Variants in FRMD5 observed in about 807,000 individuals in gnomAD.
The protein encoded by FRMD5 is FERM domain containing 5, also known as FERM domain-containing protein 5.
Under a neutral mutation model 69.0 loss-of-function variants are expected in FRMD5, and 20 were observed. The observed-to-expected ratio is 0.29, with a 90% CI of 0.20 to 0.42. The LOEUF is 0.42. Among genes scored for constraint, FRMD5 ranks in the 10% least tolerant of loss-of-function variants. The probability of loss-of-function intolerance (pLI) is 1.00; values close to 1 mark genes in which losing one functional copy is unlikely to be tolerated. For synonymous variants in FRMD5, 271 were observed against 260.1 expected, an observed-to-expected ratio of 1.04 and a Z score of -0.40; for missense variants, 595 against 708.6, an observed-to-expected ratio of 0.84 and a Z score of 1.82.
chr15:44,182,616 G>A (rs996123267), intron 1 of FRMD5, among the ~76,000 whole-genome samples: 17 of 151,962 alleles, frequency 1.1e-4, no homozygotes, highest in Admixed American at 2.0e-4. Context: ...GTAAGCCACC[G>A]CATCAGGCCC....
chr15:44,157,044 TTCTC>T (rs1198002262), intron 1 of FRMD5, among the ~76,000 whole-genome samples: 1 of 152,160 alleles, frequency 6.6e-6, no homozygotes, highest in Admixed American at 6.5e-5. Context: ...ACTACATCCT[TTCTC>T]TCTGTCATTA....
At chr15:43,990,078 C>A in intron 1 of FRMD5, 1 of 699,074 alleles carries the variant, frequency 1.4e-6, no homozygotes, top group Non-Finnish European at 2.7e-6. Flanking sequence ...TGGGGCGCCC[C>A]ACAATGAAGG....
intron 1 of FRMD5, among the ~76,000 whole-genome samples, chr15:43,947,954 A>G (rs1017242295): frequency 8.7e-6 from 1 of 115,496 alleles, no homozygotes; most frequent in African/African-American, 3.3e-5. Flanking sequence ...TAGATCCTGA[A>G]TAAGAGGGGT....
At chr15:44,038,857 C>T (rs1329584565) in intron 1 of FRMD5, among the ~76,000 whole-genome samples, 2 of 152,122 alleles carry the variant, frequency 1.3e-5, no homozygotes, top group South Asian at 2.1e-4. Flanking sequence ...TCTTCACAAC[C>T]GGCAGACCAT....
chr15:43,977,594 G>A (rs934900240), intron 1 of FRMD5, among the ~76,000 whole-genome samples: 1 of 152,126 alleles, frequency 6.6e-6, no homozygotes, highest in Non-Finnish European at 1.5e-5. Flanking sequence ...ATCAAGCAGG[G>A]TAAAAACATT....
chr15:44,009,453 G>A (rs1389863615), intron 1 of FRMD5, among the ~76,000 whole-genome samples: 3 of 152,348 alleles, frequency 2.0e-5, no homozygotes, highest in African/African-American at 7.2e-5. Flanking sequence ...GCTGAGGCAG[G>A]ATGATTGCTT....
chr15:43,967,004 T>G (rs1415941259), intron 1 of FRMD5, among the ~76,000 whole-genome samples: 2 of 152,134 alleles, frequency 1.3e-5, no homozygotes, highest in African/African-American at 4.8e-5. Flanking sequence ...ATATTTCAGT[T>G]TCATTCTGAT....
At chr15:44,044,848 A>T (rs1366056954) in intron 1 of FRMD5, among the ~76,000 whole-genome samples, 2 of 152,188 alleles carry the variant, frequency 1.3e-5, no homozygotes, top group Non-Finnish European at 2.9e-5. Flanking sequence ...CCACCATGGC[A>T]CATGTATACC....
At chr15:43,936,256 A>T (rs1242239586) in intron 1 of FRMD5, among the ~76,000 whole-genome samples, 1 of 152,172 alleles carries the variant, frequency 6.6e-6, no homozygotes, top group African/African-American at 2.4e-5. Context: ...ACAGTGGCAC[A>T]ATCACCGCTC....
At chr15:43,967,149 G>C (rs1447804289) in intron 1 of FRMD5, among the ~76,000 whole-genome samples, 2 of 151,786 alleles carry the variant, frequency 1.3e-5, no homozygotes, top group East Asian at 3.9e-4. Flanking sequence ...TTACAGTTTT[G>C]TGTCATTTTA....
chr15:44,129,277 A>C (rs2077066325), intron 1 of FRMD5, among the ~76,000 whole-genome samples: 1 of 152,218 alleles, frequency 6.6e-6, no homozygotes, highest in African/African-American at 2.4e-5. Context: ...CTAAAGCCAA[A>C]ACCCAACTTT....
intron 1 of FRMD5, among the ~76,000 whole-genome samples, chr15:43,969,985 C>A (rs2090351102): frequency 6.6e-6 from 1 of 152,160 alleles, no homozygotes; most frequent in Non-Finnish European, 1.5e-5. Flanking sequence ...AGAAAGTCAG[C>A]CATGAGAGTG....
At chr15:44,192,935 T>C (rs1262847801) in intron 1 of FRMD5, among the ~76,000 whole-genome samples, 2 of 152,186 alleles carry the variant, frequency 1.3e-5, no homozygotes, top group Non-Finnish European at 2.9e-5. Context: ...TAAAATTAAA[T>C]TGTAATAATG....
intron 1 of FRMD5, among the ~76,000 whole-genome samples, chr15:44,033,723 A>G (rs1381375955): frequency 6.6e-6 from 1 of 152,228 alleles, no homozygotes; most frequent in Non-Finnish European, 1.5e-5. Flanking sequence ...TCATGGGCAT[A>G]AACATCAAAC....
intron 1 of FRMD5, among the ~76,000 whole-genome samples, chr15:43,937,230 G>C (rs1292441359): frequency 6.6e-6 from 1 of 152,114 alleles, no homozygotes; most frequent in African/African-American, 2.4e-5. Context: ...GGATCATTGG[G>C]CTTCAGATCA....
intron 1 of FRMD5, among the ~76,000 whole-genome samples, chr15:43,946,243 G>A (rs1019611783): frequency 6.6e-6 from 1 of 152,128 alleles, no homozygotes; most frequent in Admixed American, 6.5e-5. Flanking sequence ...CACAGCAAAG[G>A]CAGCATGGTT....
intron 1 of FRMD5, among the ~76,000 whole-genome samples, chr15:44,156,337 T>C (rs2077527955): frequency 6.6e-6 from 1 of 151,862 alleles, no homozygotes; most frequent in Non-Finnish European, 1.5e-5. Context: ...AGAGACGGGG[T>C]TTCACCATAT....
rs184275080 is a variant in FRMD5, at chr15:44,151,433, A to G, written c.102+43520T>C. On this transcript the variant is annotated intron_variant, in intron 1 of 13. Coordinates refer to ENST00000417257, the MANE Select transcript of FRMD5 (RefSeq NM_032892.5). ...AAAAGAAAGAAAGAAAGAAAAAAGA[A>G]TTAACACACAAAAATCAGTTGGGTA... 1.3e-4 allele frequency among the ~76,000 whole-genome samples: 19 copies of G among 151,870 alleles called. No homozygotes were observed. In the East Asian group the frequency reaches 2.1e-3, roughly 17 times the overall value.
intron 1 of FRMD5, among the ~76,000 whole-genome samples, chr15:44,171,572 G>A (rs922425599): frequency 1.3e-5 from 2 of 152,022 alleles, no homozygotes; most frequent in East Asian, 1.9e-4. Flanking sequence ...GTTAAGGTAC[G>A]ATTTTCCCAA....
Sources: gnomAD v4.1 joint callset for allele counts (sites outside exome capture counted in the v4.1 genomes callset) on GRCh38, gnomAD v4.1.1 for gene constraint, MANE v1.5 for transcripts, NCBI Gene and HGNC (gene_info 2026-07-23, HGNC 2026-07-21) for gene names.